ATP8A1: variants seen among roughly 807,000 people sequenced by gnomAD.
The protein encoded by ATP8A1 is ATPase phospholipid transporting 8A1.
Under a neutral mutation model 177.7 loss-of-function variants are expected in ATP8A1, and 90 were observed. The observed-to-expected ratio is 0.51, with a 90% CI of 0.43 to 0.60. The LOEUF (loss-of-function observed/expected upper bound fraction) is 0.60, where lower values mean the gene tolerates loss of function less well. ATP8A1 is among the 20% of genes least tolerant of loss of function. The probability of loss-of-function intolerance (pLI) is 0.00; values close to 1 mark genes in which losing one functional copy is unlikely to be tolerated. For missense variants in ATP8A1, 1,072 were observed against 1,392.8 expected (o/e 0.77, Z 3.67); for synonymous variants, 493 against 485.9 (o/e 1.01, Z -0.19).
At chr4:42,626,906 C>T in intron 2 of ATP8A1, 89 bp downstream of exon 2, 1 of 902,480 alleles carries the variant, frequency 1.1e-6, no homozygotes, top group Non-Finnish European at 1.8e-6. Flanking sequence ...TAACTGACTG[C>T]ACTGAAAGCT....
At chr4:42,633,277 T>C (rs922428425) in intron 1 of ATP8A1, among the ~76,000 whole-genome samples, 1 of 152,214 alleles carries the variant, frequency 6.6e-6, no homozygotes, top group African/African-American at 2.4e-5. Context: ...CATGCTTATA[T>C]GCACACAGTA....
At chr4:42,565,584 G>T (rs1389318161) in intron 15 of ATP8A1, among the ~76,000 whole-genome samples, 2 of 152,174 alleles carry the variant, frequency 1.3e-5, no homozygotes, top group African/African-American at 4.8e-5. Flanking sequence ...ACCCTCACTA[G>T]CATTTACTTG....
chr4:42,483,377 GAA>G lies in ATP8A1; in HGVS notation c.2324+2117_2324+2118del, dbSNP rs35565389. Among the ~76,000 whole-genome samples the G allele has an allele frequency of 1.4e-3, 192 of 134,406 alleles. 1 individual carries two copies. Among genetic ancestry groups the G allele is most frequent in the African/African-American group, 4.7e-3 (168 of 35,998 alleles). 88.2% of individuals were successfully genotyped at this position (134,406 alleles called of 152,430 possible). On this transcript the variant is annotated intron_variant, in intron 25 of 36. Coordinates refer to ENST00000381668, the MANE Select transcript of ATP8A1 (RefSeq NM_006095.2). The stretch of plus-strand genomic sequence containing the variant: ...AGCTGAGGAAAGATATGTGACTTAA[GAA>G]AAAAAAAAAAAAAACCTTAAAACTG...
At chr4:42,623,615 G>A (rs1034358342) in intron 4 of ATP8A1, among the ~76,000 whole-genome samples, 19 of 152,064 alleles carry the variant, frequency 1.2e-4, no homozygotes, top group Admixed American at 9.2e-4. Context: ...ACCAAATACC[G>A]TGTGTTCTCA....
At chr4:42,523,244 G>A (rs1726326913) in intron 21 of ATP8A1, among the ~76,000 whole-genome samples, 1 of 152,134 alleles carries the variant, frequency 6.6e-6, no homozygotes, top group African/African-American at 2.4e-5. Context: ...GAAAAGAGTA[G>A]ATGCATTGGA....
Position 42,503,524 on chromosome 4 carries a change from A to AACACAG in ATP8A1, c.2087-16_2087-11dup. The AACACAG allele has an allele frequency of 1.3e-6, 2 of 1,563,422 alleles. No homozygotes were observed. Among genetic ancestry groups the AACACAG allele is most frequent in the Non-Finnish European group, 1.8e-6 (2 of 1,142,252 alleles). On this transcript the variant is annotated splice_polypyrimidine_tract_variant and intron_variant, in intron 23 of 36. Transcript: ENST00000381668. The stretch of plus-strand genomic sequence containing the variant: ...AGTTTGCAGGAGTGTCCTGTATCCA[A>AACACAG]ACACAGAGTATATTAAAATTAATTT...
intron 25 of ATP8A1, among the ~76,000 whole-genome samples, chr4:42,478,047 C>T (rs536691823): frequency 6.6e-6 from 1 of 152,012 alleles, no homozygotes; most frequent in South Asian, 2.1e-4. Flanking sequence ...GTCTCAAAAA[C>T]ATGTAGAAAA....
intron 20 of ATP8A1, among the ~76,000 whole-genome samples, chr4:42,530,257 A>C (rs556482062): frequency 6.6e-6 from 1 of 152,312 alleles, no homozygotes; most frequent in South Asian, 2.1e-4. Flanking sequence ...CTGAGTGCCC[A>C]ATTTGCCAGC....
intron 25 of ATP8A1, among the ~76,000 whole-genome samples, chr4:42,468,654 A>G (rs1720075933): frequency 6.6e-6 from 1 of 151,996 alleles, no homozygotes; most frequent in Non-Finnish European, 1.5e-5. Context: ...GAATGATACA[A>G]TGGACTTTGG....
At chr4:42,544,704 G>A (rs1448031289) in intron 19 of ATP8A1, among the ~76,000 whole-genome samples, 1 of 152,220 alleles carries the variant, frequency 6.6e-6, no homozygotes, top group African/African-American at 2.4e-5. Context: ...GACCATGAGT[G>A]TGTAAGCATC....
chr4:42,601,553 T>G (rs1200370766), intron 5 of ATP8A1, among the ~76,000 whole-genome samples: 1 of 151,284 alleles, frequency 6.6e-6, no homozygotes, highest in East Asian at 1.9e-4. Flanking sequence ...AAAATAAAAA[T>G]AAAAATAAAA....
Position 42,555,126 on chromosome 4 carries a change from TA to T in ATP8A1, c.1413+841del, listed in dbSNP as rs1560454292. ...CTATCTATCTATCTATCTATCTATCTATCTATCTATCTAATCTATCTATCTA... is the reference window on the plus strand; with the variant it reads ...CTATCTATCTATCTATCTATCTATCTTCTATCTATCTAATCTATCTATCTA... On this transcript the variant is annotated intron_variant, in intron 16 of 36. Coordinates refer to ENST00000381668, the MANE Select transcript of ATP8A1 (RefSeq NM_006095.2). Among the ~76,000 whole-genome samples the T allele has an allele frequency of 1.2e-3, 93 of 79,948 alleles. 1 individual carries two copies. Among genetic ancestry groups the T allele is most frequent in the Middle Eastern group, 5.6e-3 (1 of 178 alleles). 52.4% of individuals were successfully genotyped at this position (79,948 alleles called of 152,430 possible). A position where few individuals can be genotyped will look rare whatever the true frequency, so the allele number is the denominator to read the frequency against.
chr4:42,417,149 G>C (rs1378847538), intron 35 of ATP8A1, among the ~76,000 whole-genome samples: 1 of 152,054 alleles, frequency 6.6e-6, no homozygotes, highest in Non-Finnish European at 1.5e-5. Context: ...ATGATGAGTT[G>C]TATTTCTCTA....
intron 27 of ATP8A1, among the ~76,000 whole-genome samples, chr4:42,459,745 C>T (rs1488053567): frequency 3.3e-5 from 5 of 152,068 alleles, no homozygotes; most frequent in South Asian, 2.1e-4. Context: ...AGTTCATTTA[C>T]GTATCTTGTT....
chr4:42,563,164 T>C (rs1428437906), intron 15 of ATP8A1, among the ~76,000 whole-genome samples: 1 of 152,224 alleles, frequency 6.6e-6, no homozygotes, highest in East Asian at 1.9e-4. Flanking sequence ...CTGATAGTGA[T>C]GTGGACAATA....
In ATP8A1 at chr4:42,657,099, A is replaced by C. The variant is rs952758270; in HGVS notation, c.-226T>G. On this transcript the variant is annotated 5_prime_UTR_variant, in exon 1 of 37. Coordinates refer to ENST00000381668, the MANE Select transcript of ATP8A1 (RefSeq NM_006095.2). ...GTGGCGGCGCCCGCAGAGCTGGGCGAGCTCTTGCTGCAGCCGCGGAGGGGC... is the reference window on the plus strand; with the variant it reads ...GTGGCGGCGCCCGCAGAGCTGGGCGCGCTCTTGCTGCAGCCGCGGAGGGGC... 38 of 386,094 alleles carry C rather than the reference A, an allele frequency of 9.8e-5. No homozygotes were observed. Among genetic ancestry groups the C allele is most frequent in the Non-Finnish European group, 1.6e-4 (37 of 226,044 alleles). 23.9% of individuals were successfully genotyped at this position (386,094 alleles called of 1,614,324 possible).
At chr4:42,557,514 T>A (rs1488900313) in intron 15 of ATP8A1, among the ~76,000 whole-genome samples, 1 of 152,192 alleles carries the variant, frequency 6.6e-6, no homozygotes, top group Non-Finnish European at 1.5e-5. Context: ...CTAAAAGCCG[T>A]TTAAATCTGA....
chr4:42,537,163 A>C (rs958615236), intron 20 of ATP8A1, among the ~76,000 whole-genome samples: 6 of 151,234 alleles, frequency 4.0e-5, no homozygotes, highest in Admixed American at 2.6e-4. Context: ...AACCAAAAAA[A>C]CCCCCACGTG....
At chr4:42,461,252 T>C (rs796415751) in intron 27 of ATP8A1, among the ~76,000 whole-genome samples, 3 of 151,350 alleles carry the variant, frequency 2.0e-5, no homozygotes, top group Non-Finnish European at 2.9e-5. Flanking sequence ...TTCTTTCTTT[T>C]TTTTTTTTTT....
Sources: gnomAD v4.1 joint callset for allele counts (sites outside exome capture counted in the v4.1 genomes callset) on GRCh38, gnomAD v4.1.1 for gene constraint, MANE v1.5 for transcripts, NCBI Gene and HGNC (gene_info 2026-07-23, HGNC 2026-07-21) for gene names.